CTNND2: variants seen among roughly 807,000 people sequenced by gnomAD.
The protein encoded by CTNND2 is catenin delta 2, also known as catenin delta-2.
A neutral mutation model predicts 144.4 loss-of-function variants in CTNND2; 22 were observed. That is an observed-to-expected ratio of 0.15 (90% CI 0.11 to 0.22). The LOEUF is 0.22. Among genes scored for constraint, CTNND2 ranks in the 10% least tolerant of loss-of-function variants. CTNND2 has a pLI of 1.00. For missense variants in CTNND2, 1,353 were observed against 1,618.8 expected (o/e 0.84, Z 2.82); for synonymous variants, 751 against 695.6 (o/e 1.08, Z -1.25).
At chr5:11,664,201 ATTG>A (rs1783429911) in intron 2 of CTNND2, among the ~76,000 whole-genome samples, 1 of 152,188 alleles carries the variant, frequency 6.6e-6, no homozygotes, top group Non-Finnish European at 1.5e-5. Flanking sequence ...TACATACTAT[ATTG>A]TTATCAATAG....
In CTNND2 at chr5:11,904,003, G is replaced by A. The variant is rs966541026; in HGVS notation, c.-150C>T. On this transcript the variant is annotated 5_prime_UTR_variant, in exon 1 of 22. Coordinates refer to ENST00000304623, the MANE Select transcript of CTNND2 (RefSeq NM_001332.4). This position sits in a 1 kb window ranked among gnomAD's most constrained non-coding sequence, Gnocchi z 4.2. ...CGCGGGACAAGGGATGCTGGCGGGCGGCAGGGGCGAGCGCCGCGGGCGAGA... is the reference window on the plus strand; with the variant it reads ...CGCGGGACAAGGGATGCTGGCGGGCAGCAGGGGCGAGCGCCGCGGGCGAGA... The A allele has an allele frequency of 2.9e-4, 267 of 927,466 alleles. No homozygotes were observed. Among genetic ancestry groups the A allele is most frequent in the Non-Finnish European group, 1.3e-4 (91 of 715,114 alleles). The allele number at this position is 927,466 out of a possible 1,614,324, so 57.5% of individuals were successfully genotyped here.
chr5:11,170,353 A>C (rs371114182), intron 11 of CTNND2, among the ~76,000 whole-genome samples: 2 of 152,204 alleles, frequency 1.3e-5, no homozygotes, highest in East Asian at 3.8e-4. Context: ...AAGGCATTTG[A>C]GTTCACAGAA....
rs151074933 is a variant in CTNND2, at chr5:11,346,488, T to C, written c.1512A>G (p.Arg504=). Residue 504 remains arginine (R), a synonymous_variant, in exon 9 of 22, where the codon CGA becomes CGG. Coordinates refer to ENST00000304623, the MANE Select transcript of CTNND2 (RefSeq NM_001332.4). ...GPASNYADPY[R]QLQYCPSVES... The stretch of plus-strand genomic sequence containing the variant: ...CAACAGAGGGACAATACTGCAGCTG[T>C]CGGTAGGGGTCCGCGTAATTGGAGG... 162 of 1,605,266 alleles carry C rather than the reference T, an allele frequency of 1.0e-4. No homozygotes were observed. In the African/African-American group the frequency reaches 1.9e-3, roughly 18 times the overall value.
In CTNND2 at chr5:11,728,689, T is replaced by C. The variant is rs1330996252; in HGVS notation, c.174+3447A>G. ...AGAACAATGAAAATTAGTGTAACAATAGAGTATCTGGAGTTACAAATGCTC... is the reference window on the plus strand; with the variant it reads ...AGAACAATGAAAATTAGTGTAACAACAGAGTATCTGGAGTTACAAATGCTC... On this transcript the variant is annotated intron_variant, in intron 2 of 21. Transcript: ENST00000304623. Among the ~76,000 whole-genome samples, 7 of 152,308 alleles carry C rather than the reference T, an allele frequency of 4.6e-5. No homozygotes were observed. In the South Asian group the frequency reaches 1.2e-3, roughly 27 times the overall value.
chr5:11,824,027 G>A (rs1340163610), intron 1 of CTNND2, among the ~76,000 whole-genome samples: 7 of 150,442 alleles, frequency 4.7e-5, no homozygotes, highest in South Asian at 2.1e-4. Flanking sequence ...CGCTTGAACC[G>A]GGGAGGTGGA....
intron 1 of CTNND2, among the ~76,000 whole-genome samples, chr5:11,754,477 A>ATTCGG (rs1788805648): frequency 6.6e-6 from 1 of 151,184 alleles, no homozygotes; most frequent in Admixed American, 6.6e-5. Flanking sequence ...TGTTAGATCT[A>ATTCGG]TTCGGTCAAG....
chr5:11,593,820 G>A (rs908130917), intron 2 of CTNND2, among the ~76,000 whole-genome samples: 3 of 152,102 alleles, frequency 2.0e-5, no homozygotes, highest in Non-Finnish European at 2.9e-5. Context: ...GGACTAATAC[G>A]ACAATCAACT....
At chr5:11,329,644 C>T (rs144137830) in intron 9 of CTNND2, among the ~76,000 whole-genome samples, 199 of 152,224 alleles carry the variant, frequency 1.3e-3, no homozygotes, top group African/African-American at 4.6e-3. Context: ...AAGTCCTGTG[C>T]AATAGCAGCC....
Position 11,817,648 on chromosome 5 carries a change from G to A in CTNND2, c.38-85376C>T, listed in dbSNP as rs977178371. ...GGATGAGACTTAAGACATAAAAGCC[G>A]TGTGGCTGTTAAAATCAGACTGTTT... On this transcript the variant is annotated intron_variant, in intron 1 of 21. Coordinates refer to ENST00000304623, the MANE Select transcript of CTNND2 (RefSeq NM_001332.4). 2.4e-4 allele frequency among the ~76,000 whole-genome samples: 36 copies of A among 152,012 alleles called. 1 individual carries two copies. Among genetic ancestry groups the A allele is most frequent in the African/African-American group, 7.0e-4 (29 of 41,386 alleles).
In CTNND2 at chr5:11,370,965, T is replaced by C. The variant is rs540514022; in HGVS notation, c.1178-6075A>G. On this transcript the variant is annotated intron_variant, in intron 7 of 21. Coordinates refer to ENST00000304623, the MANE Select transcript of CTNND2 (RefSeq NM_001332.4). ...AAATAAAATTGAGGTTTTTAAAAAC[T>C]GTAAGGTCAGTTAATGCACTGATAA... is the stretch of plus-strand genomic sequence containing the variant. 2.0e-5 allele frequency among the ~76,000 whole-genome samples: 3 copies of C among 152,344 alleles called. No individual in the cohort carries two copies. The East Asian group carries it at 5.8e-4, about 29-fold the overall frequency.
chr5:11,571,038 T>C (rs1384011142), intron 2 of CTNND2, among the ~76,000 whole-genome samples: 2 of 152,208 alleles, frequency 1.3e-5, no homozygotes. Flanking sequence ...TGCTTTTAAT[T>C]TCTCGGAGCT....
intron 1 of CTNND2, among the ~76,000 whole-genome samples, chr5:11,867,038 G>A (rs1252897354): frequency 6.6e-6 from 1 of 152,210 alleles, no homozygotes; most frequent in Non-Finnish European, 1.5e-5. Context: ...AATATCACAA[G>A]TCTGTATTTA....
At chr5:11,573,044 C>A (rs1398552242) in intron 2 of CTNND2, among the ~76,000 whole-genome samples, 1 of 151,916 alleles carries the variant, frequency 6.6e-6, no homozygotes, top group Non-Finnish European at 1.5e-5. Context: ...TCCTAGTTTC[C>A]CACTCTGGGT....
At chr5:11,129,296 TATATATTA>T in intron 12 of CTNND2, among the ~76,000 whole-genome samples, 1 of 43,922 alleles carries the variant, frequency 2.3e-5, no homozygotes, top group Non-Finnish European at 4.3e-5. Flanking sequence ...AAATATATAA[TATATATTA>T]TATATATAAA....
intron 10 of CTNND2, among the ~76,000 whole-genome samples, chr5:11,205,379 A>G (rs1410132533): frequency 6.6e-6 from 1 of 152,194 alleles, no homozygotes; most frequent in African/African-American, 2.4e-5. Flanking sequence ...TTTTTTTGCT[A>G]AATTTTCAAT....
At chr5:11,272,940 T>C (rs1746169938) in intron 9 of CTNND2, among the ~76,000 whole-genome samples, 2 of 152,132 alleles carry the variant, frequency 1.3e-5, no homozygotes, top group African/African-American at 4.8e-5. Flanking sequence ...GTTTCTACAG[T>C]TGCACATTTA....
chr5:11,429,901 G>A (rs755734969), intron 3 of CTNND2, among the ~76,000 whole-genome samples: 1 of 152,044 alleles, frequency 6.6e-6, no homozygotes, highest in East Asian at 1.9e-4. Flanking sequence ...AAAAACAAAT[G>A]TAATTTTTGT....
intron 2 of CTNND2, among the ~76,000 whole-genome samples, chr5:11,642,344 T>C (rs1181598856): frequency 6.6e-6 from 1 of 152,184 alleles, no homozygotes; most frequent in Non-Finnish European, 1.5e-5. Context: ...TGTTGGAAGA[T>C]GGCAATCACA....
chr5:11,074,916 G>A (rs911261045), intron 16 of CTNND2, among the ~76,000 whole-genome samples: 4 of 152,128 alleles, frequency 2.6e-5, no homozygotes, highest in African/African-American at 4.8e-5. Flanking sequence ...GGTAAGTAAA[G>A]GAAGCTTGAA....
Sources: gnomAD v4.1 joint callset for allele counts (sites outside exome capture counted in the v4.1 genomes callset) on GRCh38, gnomAD v4.1.1 for gene constraint, Gnocchi (gnomAD v3.1) non-coding constraint, MANE v1.5 for transcripts, NCBI Gene and HGNC (gene_info 2026-07-23, HGNC 2026-07-21) for gene names.